Variants in STPG2 observed in about 807,000 individuals in gnomAD.
The protein encoded by STPG2 is sperm tail PG-rich repeat containing 2.
In STPG2, 56 loss-of-function variants were observed where a neutral mutation model predicts 54.2. That is an observed-to-expected ratio of 1.03 (90% CI 0.83 to 1.29). The LOEUF (loss-of-function observed/expected upper bound fraction) is 1.29. STPG2 is among the 50% of genes most tolerant of loss of function. The probability of loss-of-function intolerance (pLI) is 0.00; values close to 1 mark genes in which losing one functional copy is unlikely to be tolerated. For synonymous variants in STPG2, 200 were observed against 181.8 expected (o/e 1.10, Z -0.81); for missense variants, 596 against 544.9 (o/e 1.09, Z -0.93).
At chr4:97,837,091 A>G (rs888918526) in intron 9 of STPG2, among the ~76,000 whole-genome samples, 6 of 151,596 alleles carry the variant, frequency 4.0e-5, no homozygotes, top group African/African-American at 1.4e-4. Flanking sequence ...ATATTTTCAT[A>G]GGACTCTAGT....
At chr4:97,991,812 G>A (rs1261245618) in intron 5 of STPG2, among the ~76,000 whole-genome samples, 1 of 152,020 alleles carries the variant, frequency 6.6e-6, no homozygotes, top group Non-Finnish European at 1.5e-5. Flanking sequence ...CAGGAGAAAG[G>A]TGGTGTCACA....
intron 9 of STPG2, among the ~76,000 whole-genome samples, chr4:97,828,002 AG>A (rs1476381567): frequency 6.6e-6 from 1 of 152,226 alleles, no homozygotes; most frequent in Non-Finnish European, 1.5e-5. Context: ...TTTAAAAAAA[AG>A]AAAAATTTTA....
At chr4:97,675,393 A>G (rs899069834) in intron 10 of STPG2, among the ~76,000 whole-genome samples, 1 of 152,196 alleles carries the variant, frequency 6.6e-6, no homozygotes, top group Non-Finnish European at 1.5e-5. Context: ...CTTCATAAAA[A>G]TTCAAGGCCT....
At chr4:97,685,154 A>T (rs962897204) in intron 10 of STPG2, among the ~76,000 whole-genome samples, 4 of 152,098 alleles carry the variant, frequency 2.6e-5, no homozygotes, top group African/African-American at 9.6e-5. Flanking sequence ...TTTAGAAGAC[A>T]ATCTGGCAGC....
At chr4:97,562,313 G>C (rs1240650976) in intron 10 of STPG2, among the ~76,000 whole-genome samples, 1 of 152,178 alleles carries the variant, frequency 6.6e-6, no homozygotes, top group Non-Finnish European at 1.5e-5. Context: ...CTTTGCTGAA[G>C]TTGCTTATCA....
rs10452176 is a variant in STPG2 at position 98,134,691 on chromosome 4, A to C, written c.110-232T>G. Among the ~76,000 whole-genome samples the C allele has an allele frequency of 1.9e-4, 29 of 151,516 alleles. 1 individual carries two copies. Among genetic ancestry groups the C allele is most frequent in the African/African-American group, 6.0e-4 (25 of 41,516 alleles). On this transcript the variant is annotated intron_variant, in intron 1 of 10. Transcript: ENST00000295268. ...AACTTGACTTATTGAACAACAACAA[A>C]AAAAAAACTAAAGAAAATAAAGCAC...
chr4:98,127,755 A>G (rs1739869488), intron 3 of STPG2, among the ~76,000 whole-genome samples: 1 of 152,204 alleles, frequency 6.6e-6, no homozygotes, highest in African/African-American at 2.4e-5. Flanking sequence ...AACTCTGGTC[A>G]GGTTTGAAAT....
rs144952873 is a variant in STPG2, at chr4:97,902,010, C to T, written c.1044+41887G>A. 7.9e-5 allele frequency among the ~76,000 whole-genome samples: 12 copies of T among 152,100 alleles called. No homozygotes were observed. In the East Asian group the frequency reaches 2.1e-3, roughly 27 times the overall value. On this transcript the variant is annotated intron_variant, in intron 8 of 10. Coordinates refer to ENST00000295268, the MANE Select transcript of STPG2 (RefSeq NM_174952.3). ...GCCTGGAAATAAACCCACACATATA[C>T]TATCAACAAATCTTTGGCAAAATCA...
intron 8 of STPG2, among the ~76,000 whole-genome samples, chr4:97,877,070 T>A (rs1287817726): frequency 6.6e-6 from 1 of 152,230 alleles, no homozygotes; most frequent in African/African-American, 2.4e-5. Flanking sequence ...ATCCATCACC[T>A]TAACAATTTA....
At chr4:97,994,739 T>TCAA (rs1157968511) in intron 5 of STPG2, among the ~76,000 whole-genome samples, 1 of 152,038 alleles carries the variant, frequency 6.6e-6, no homozygotes, top group Non-Finnish European at 1.5e-5. Flanking sequence ...GGTCCTTGAT[T>TCAA]GTATTTTTGT....
intron 8 of STPG2, among the ~76,000 whole-genome samples, chr4:97,907,436 T>C (rs112179720): frequency 6.6e-6 from 1 of 152,156 alleles, no homozygotes; most frequent in South Asian, 2.1e-4. Flanking sequence ...AAAATGGCCA[T>C]ACTGCCCAAG....
At chr4:97,512,346 G>A (rs1419314924) in intron 4 of STPG2, among the ~76,000 whole-genome samples, 1 of 152,080 alleles carries the variant, frequency 6.6e-6, no homozygotes, top group East Asian at 1.9e-4. Flanking sequence ...GCAAATGAGA[G>A]GGTAATTGTG....
chr4:98,012,865 T>C (rs977857954), intron 5 of STPG2, among the ~76,000 whole-genome samples: 15 of 152,102 alleles, frequency 9.9e-5, no homozygotes, highest in Non-Finnish European at 2.1e-4. Context: ...GATGATAGGG[T>C]TTTCTAAATA....
At chr4:97,898,771 A>T (rs1207242122) in intron 8 of STPG2, among the ~76,000 whole-genome samples, 2 of 151,800 alleles carry the variant, frequency 1.3e-5, no homozygotes, top group African/African-American at 2.4e-5. Flanking sequence ...TTAAAATTTT[A>T]AAATTCTGAA....
At chr4:97,700,354 A>G (rs914055272) in intron 10 of STPG2, among the ~76,000 whole-genome samples, 2 of 152,254 alleles carry the variant, frequency 1.3e-5, no homozygotes, top group African/African-American at 4.8e-5. Context: ...CAAATGGGCC[A>G]GAGCAATACA....
chr4:97,546,999 C>T (rs189708086), intron 4 of STPG2, among the ~76,000 whole-genome samples: 79 of 151,954 alleles, frequency 5.2e-4, no homozygotes, highest in African/African-American at 1.8e-3. Context: ...TACCTGATTC[C>T]TAATATAGGT....
intron 9 of STPG2, among the ~76,000 whole-genome samples, chr4:97,835,573 G>A (rs1578606616): frequency 6.6e-6 from 1 of 152,190 alleles, no homozygotes; most frequent in Non-Finnish European, 1.5e-5. Flanking sequence ...TTATTTTCAT[G>A]CCTGCTAATA....
chr4:97,916,535 C>T (rs1373450067), intron 8 of STPG2: 1 of 152,602 alleles, frequency 6.6e-6, no homozygotes, highest in Non-Finnish European at 1.5e-5. Context: ...TTGTATTGAC[C>T]ATAGTACAGG....
chr4:97,813,181 A>G (rs993674025), intron 9 of STPG2, among the ~76,000 whole-genome samples: 1 of 152,106 alleles, frequency 6.6e-6, no homozygotes, highest in African/African-American at 2.4e-5. Flanking sequence ...CTCTTATTAT[A>G]AGAATCTTTC....
Sources: allele counts gnomAD v4.1 joint callset (sites outside exome capture counted in the v4.1 genomes callset), GRCh38; gene constraint gnomAD v4.1.1; transcripts MANE v1.5; gene names NCBI Gene and HGNC (gene_info 2026-07-23, HGNC 2026-07-21).